The following CCDC170 variants were observed in gnomAD, a reference collection of about 807,000 sequenced individuals.
The protein encoded by CCDC170 is coiled-coil domain containing 170, also known as coiled-coil domain-containing protein 170.
A neutral mutation model predicts 72.6 loss-of-function variants in CCDC170; 69 were observed. The ratio of observed to expected loss-of-function variants is 0.95; its 90% confidence interval spans 0.78 to 1.16. CCDC170 has a LOEUF of 1.16. CCDC170 is among the 50% of genes most tolerant of loss of function. CCDC170 has a pLI of 0.00. For missense variants in CCDC170, 852 were observed against 832.5 expected (o/e 1.02, Z -0.29); for synonymous variants, 300 against 303.9 (o/e 0.99, Z 0.13).
chr6:151,592,977 C>T (rs750735280), intron 7 of CCDC170, 130 bp from the exon 8 acceptor site: 51 of 944,930 alleles, frequency 5.4e-5, no homozygotes, highest in Admixed American at 1.6e-4. Flanking sequence ...GGTCAGAGTC[C>T]GTGCTCCGTT....
At chr6:151,567,732 G>A (rs866812339) in intron 5 of CCDC170, among the ~76,000 whole-genome samples, 2 of 152,120 alleles carry the variant, frequency 1.3e-5, no homozygotes, top group South Asian at 4.1e-4. Context: ...TGTTCCTTCA[G>A]TGTACAACAG....
chr6:151,586,034 CA>C lies in CCDC170; in HGVS notation c.1239del (p.Glu414SerfsTer12). The C allele has an allele frequency of 6.2e-7, 1 of 1,614,158 alleles. No homozygotes were observed. The highest frequency in any genetic ancestry group is 8.5e-7 in the Non-Finnish European group (1 of 1,180,018). On this transcript the variant is annotated frameshift_variant, in exon 7 of 11. Transcript: ENST00000239374. LOFTEE classifies it high-confidence loss of function. Reference sequence around the variant, plus strand: ...CAGGGTCAGCTGACACACCTGGAGGCAGAGCTGGTTTCTGGAGGTGTTTTGC... The same window carrying C: ...CAGGGTCAGCTGACACACCTGGAGGCGAGCTGGTTTCTGGAGGTGTTTTGC... ...TLQGQLTHLE[A>X]ELVSGGVLRD... is the part of the protein sequence containing the mutation.
At chr6:151,518,899 G>A (rs1476508545) in intron 1 of CCDC170, among the ~76,000 whole-genome samples, 1 of 152,172 alleles carries the variant, frequency 6.6e-6, no homozygotes, top group Non-Finnish European at 1.5e-5. Context: ...AGGGCAAAAA[G>A]GAGAATGAAG....
chr6:151,561,252 G>T (rs2032089091), intron 5 of CCDC170, among the ~76,000 whole-genome samples: 1 of 152,040 alleles, frequency 6.6e-6, no homozygotes, highest in Admixed American at 6.5e-5. Flanking sequence ...AAAATGTACA[G>T]TTAAATTATT....
At chr6:151,578,738 T>G (rs1776338737) in intron 6 of CCDC170, among the ~76,000 whole-genome samples, 1 of 152,202 alleles carries the variant, frequency 6.6e-6, no homozygotes, top group Non-Finnish European at 1.5e-5. Context: ...GAAGGAGGAT[T>G]TGGTCGACAC....
intron 1 of CCDC170, among the ~76,000 whole-genome samples, chr6:151,508,160 C>A (rs1782091176): frequency 6.6e-6 from 1 of 152,100 alleles, no homozygotes; most frequent in Non-Finnish European, 1.5e-5. Flanking sequence ...TATTTCAAGT[C>A]TATGTAAGGG....
chr6:151,528,292 A>T (rs1782442477), intron 1 of CCDC170, among the ~76,000 whole-genome samples: 1 of 152,184 alleles, frequency 6.6e-6, no homozygotes, highest in Non-Finnish European at 1.5e-5. Context: ...AGATTGTTTG[A>T]TACAGGAAAA....
At chr6:151,548,781 A>G (rs7765358) in intron 5 of CCDC170, among the ~76,000 whole-genome samples, 137,339 of 151,910 alleles carry the variant, frequency 0.9, 62,243 homozygotes, top group East Asian at 1. Context: ...GTGCAGTGGC[A>G]CGATCCTGAC....
At chr6:151,589,316 T>C (rs750220208) in intron 7 of CCDC170, among the ~76,000 whole-genome samples, 9 of 152,090 alleles carry the variant, frequency 5.9e-5, no homozygotes, top group Non-Finnish European at 1.2e-4. Flanking sequence ...AATGAAATAT[T>C]GCACCTGAGT....
At chr6:151,601,690 C>A (rs779989820) in intron 9 of CCDC170, among the ~76,000 whole-genome samples, 1 of 152,010 alleles carries the variant, frequency 6.6e-6, no homozygotes, top group Non-Finnish European at 1.5e-5. Flanking sequence ...GACTGGAGAC[C>A]CAGGTAGAGC....
At chr6:151,526,565 G>A (rs1782414518) in intron 1 of CCDC170, among the ~76,000 whole-genome samples, 1 of 149,516 alleles carries the variant, frequency 6.7e-6, no homozygotes, top group Non-Finnish European at 1.5e-5. Flanking sequence ...CGCCAGACTG[G>A]AGTGCAGTGG....
At chr6:151,552,234 A>G (rs191218844) in intron 5 of CCDC170, among the ~76,000 whole-genome samples, 140 of 152,290 alleles carry the variant, frequency 9.2e-4, no homozygotes, top group Non-Finnish European at 1.6e-3. Context: ...ATTGCATTCT[A>G]TTAGAAGGCA....
rs1776252061 is a variant in CCDC170 at position 151,573,356 on chromosome 6, A to G, written c.957A>G (p.Ser319=). 1 of 1,613,696 alleles carries G rather than the reference A, an allele frequency of 6.2e-7. No homozygotes were observed. The highest frequency in any genetic ancestry group is 1.3e-5 in the African/African-American group (1 of 74,912). Residue 319 remains serine (S), a synonymous_variant, in exon 6 of 11, where the codon TCA becomes TCG. Coordinates refer to ENST00000239374, the MANE Select transcript of CCDC170 (RefSeq NM_025059.4). The part of the protein sequence containing the change: ...LKASQDAVTT[S]QSQYFSFREK... ...CCAGTCAGGATGCAGTCACAACCTC[A>G]CAAAGCCAGTACTTCTCATTTAGGG...
chr6:151,597,432 A>T (rs1776643359), intron 9 of CCDC170, among the ~76,000 whole-genome samples: 1 of 152,198 alleles, frequency 6.6e-6, no homozygotes, highest in Non-Finnish European at 1.5e-5. Flanking sequence ...CTGGCCAAAA[A>T]GTGGTGATGT....
At chr6:151,536,695 A>C (rs1450960932) in intron 2 of CCDC170, among the ~76,000 whole-genome samples, 1 of 143,556 alleles carries the variant, frequency 7.0e-6, no homozygotes, top group Non-Finnish European at 1.5e-5. Context: ...GAATCACTTG[A>C]ATCCGGGAGG....
Position 151,536,415 on chromosome 6 carries a change from C to T in CCDC170, c.155C>T (p.Thr52Ile), listed in dbSNP as rs1489670452. ...AQNARSELAA[T>I]LVKFECAQSE... ...AATGCTCGAAGTGAACTTGCAGCAACTTTGGTCAAATTTGAATGTGCTCAG... is the reference window on the plus strand; with the variant it reads ...AATGCTCGAAGTGAACTTGCAGCAATTTTGGTCAAATTTGAATGTGCTCAG... The change falls in exon 2 of 11, where the codon ACT becomes ATT. Residue 52 changes from threonine (T) to isoleucine (I), a missense_variant. Transcript: ENST00000239374. The T allele has an allele frequency of 2.1e-5, 34 of 1,614,078 alleles. No homozygotes were observed. The highest frequency in any genetic ancestry group is 2.8e-5 in the Non-Finnish European group (33 of 1,179,984).
chr6:151,598,694 G>A (rs1479403096), intron 9 of CCDC170, among the ~76,000 whole-genome samples: 1 of 152,204 alleles, frequency 6.6e-6, no homozygotes, highest in African/African-American at 2.4e-5. Context: ...CAGAAAGAAG[G>A]AGGGGAGAGA....
At chr6:151,609,171 G>T (rs1157211204) in intron 9 of CCDC170, among the ~76,000 whole-genome samples, 1 of 152,138 alleles carries the variant, frequency 6.6e-6, no homozygotes, top group African/African-American at 2.4e-5. Flanking sequence ...GTCCTTCTTT[G>T]GGGTAGAGAT....
chr6:151,552,875 C>T, intron 5 of CCDC170, among the ~76,000 whole-genome samples: 1 of 140,548 alleles, frequency 7.1e-6, no homozygotes. Context: ...CAACCTCTGC[C>T]TTCCAGGTTC....
Sources: gnomAD v4.1 joint callset for allele counts (sites outside exome capture counted in the v4.1 genomes callset) on GRCh38, gnomAD v4.1.1 for gene constraint, MANE v1.5 for transcripts, NCBI Gene and HGNC (gene_info 2026-07-23, HGNC 2026-07-21) for gene names.